SLC71A1: variants seen among roughly 807,000 people sequenced by gnomAD.
SLC71A1 encodes solute carrier family 71 member 1, also known as hippocampus abundant gene transcript 1.
the SLC71A1 span, among the ~76,000 whole-genome samples, chr1:100,054,440 T>G: frequency 6.6e-6 from 1 of 152,030 alleles, no homozygotes; most frequent in Non-Finnish European, 1.5e-5. Flanking sequence ...CTTGAACTCC[T>G]TACCTTGTGA....
chr1:100,053,039 C>T, the SLC71A1 span, among the ~76,000 whole-genome samples: 1 of 152,204 alleles, frequency 6.6e-6, no homozygotes, highest in African/African-American at 2.4e-5. Flanking sequence ...CTGCCTCGGC[C>T]TCCCAGAGTG....
chr1:100,041,734 G>A, the SLC71A1 span, among the ~76,000 whole-genome samples: 2 of 152,138 alleles, frequency 1.3e-5, no homozygotes, highest in Non-Finnish European at 2.9e-5. Flanking sequence ...GACTAGCCTG[G>A]CCAACATGGT....
At chr1:100,057,718 G>A in the SLC71A1 span, among the ~76,000 whole-genome samples, 1 of 152,144 alleles carries the variant, frequency 6.6e-6, no homozygotes, top group African/African-American at 2.4e-5. Flanking sequence ...GGCAGGAGAA[G>A]AATAACTGAA....
the SLC71A1 span, among the ~76,000 whole-genome samples, chr1:100,077,559 C>G: frequency 6.6e-6 from 1 of 152,068 alleles, no homozygotes; most frequent in Admixed American, 6.6e-5. Flanking sequence ...TAAATCAGTC[C>G]GTTACTAGGA....
the SLC71A1 span, among the ~76,000 whole-genome samples, chr1:100,059,144 G>GTGTGTTTT: frequency 2.7e-5 from 2 of 75,416 alleles, no homozygotes; most frequent in Non-Finnish European, 5.0e-5. Context: ...TCTTTTTCGT[G>GTGTGTTTT]TTTTTTTTTT....
chr1:100,058,844 T>C, the SLC71A1 span: 1 of 525,732 alleles, frequency 1.9e-6, no homozygotes, highest in South Asian at 3.2e-5. Context: ...TGTTTACTGA[T>C]TAATAACTTA....
At chr1:100,041,064 T>A in the SLC71A1 span, among the ~76,000 whole-genome samples, 14 of 152,332 alleles carry the variant, frequency 9.2e-5, no homozygotes, top group African/African-American at 3.4e-4. Flanking sequence ...GCTAATGACA[T>A]ATATGTAAGC....
the SLC71A1 span, chr1:100,069,723 C>G: frequency 7.4e-7 from 1 of 1,355,194 alleles, no homozygotes; most frequent in South Asian, 1.2e-5. Flanking sequence ...TGTCAGTGAC[C>G]CTGGCTGGCC....
At chr1:100,054,087 G>T in the SLC71A1 span, among the ~76,000 whole-genome samples, 1 of 149,332 alleles carries the variant, frequency 6.7e-6, no homozygotes, top group Non-Finnish European at 1.5e-5. Context: ...TGGCATCCAG[G>T]TTGGAGTGCA....
chr1:100,042,942 G>A, the SLC71A1 span: 1 of 233,758 alleles, frequency 4.3e-6, no homozygotes, highest in Non-Finnish European at 7.0e-6. Flanking sequence ...AAACATCAGG[G>A]TGTTTATATT....
the SLC71A1 span, among the ~76,000 whole-genome samples, chr1:100,044,858 T>G: frequency 6.6e-6 from 1 of 152,218 alleles, no homozygotes; most frequent in African/African-American, 2.4e-5. Flanking sequence ...GTTCCATTGG[T>G]CTTCATGCCT....
chr1:100,072,407 G>A, the SLC71A1 span, among the ~76,000 whole-genome samples: 1 of 152,082 alleles, frequency 6.6e-6, no homozygotes, highest in Non-Finnish European at 1.5e-5. Flanking sequence ...TCATTGTACA[G>A]AATACAGTGT....
At chr1:100,048,213 C>G in the SLC71A1 span, among the ~76,000 whole-genome samples, 1 of 149,040 alleles carries the variant, frequency 6.7e-6, no homozygotes, top group East Asian at 2.0e-4. Flanking sequence ...TTCAGAGTCT[C>G]TGTCGCCCAG....
the SLC71A1 span, chr1:100,068,484 A>C: frequency 6.2e-7 from 1 of 1,610,890 alleles, no homozygotes; most frequent in Non-Finnish European, 8.5e-7. Context: ...CCTTAAAAAA[A>C]GTCGGCCAAG....
chr1:100,075,394 TAAA>T, the SLC71A1 span, among the ~76,000 whole-genome samples: 1 of 152,224 alleles, frequency 6.6e-6, no homozygotes, highest in Non-Finnish European at 1.5e-5. Context: ...TAGAGCCATA[TAAA>T]GAATCACAGC....
chr1:100,080,681 C>A, the SLC71A1 span: 3 of 1,602,626 alleles, frequency 1.9e-6, no homozygotes, highest in South Asian at 2.2e-5. Flanking sequence ...TCAACATGAT[C>A]AAATTGTATG....
chr1:100,049,087 A>G, the SLC71A1 span, among the ~76,000 whole-genome samples: 3 of 152,160 alleles, frequency 2.0e-5, no homozygotes, highest in Admixed American at 1.3e-4. Context: ...GCTGATTCAG[A>G]TAGCTTCCTT....
At chr1:100,040,868 A>G in the SLC71A1 span, among the ~76,000 whole-genome samples, 1 of 152,128 alleles carries the variant, frequency 6.6e-6, no homozygotes, top group Admixed American at 6.5e-5. Context: ...TGTTGACCTC[A>G]GAGTTTCAGA....
At chr1:100,063,145 CGGTT>C in the SLC71A1 span, among the ~76,000 whole-genome samples, 1 of 151,904 alleles carries the variant, frequency 6.6e-6, no homozygotes, top group Admixed American at 6.6e-5. Flanking sequence ...TGGGGTTGGT[CGGTT>C]GGTTGGTTGG....
Sources: gnomAD v4.1 joint callset for allele counts (sites outside exome capture counted in the v4.1 genomes callset) on GRCh38, gnomAD v4.1.1 for gene constraint, MANE v1.5 for transcripts, NCBI Gene and HGNC (gene_info 2026-07-23, HGNC 2026-07-21) for gene names.